Variants in ZFAND4 observed in about 807,000 individuals in gnomAD.
The protein encoded by ZFAND4 is zinc finger AN1-type containing 4.
Under a neutral mutation model 64.4 loss-of-function variants are expected in ZFAND4, and 43 were observed. The ratio of observed to expected loss-of-function variants is 0.67; its 90% CI spans 0.52 to 0.86. The LOEUF (loss-of-function observed/expected upper bound fraction) is 0.86, where lower values mean the gene tolerates loss of function less well. ZFAND4 is among the 40% of genes least tolerant of loss of function. ZFAND4 has a pLI of 0.00. For synonymous variants in ZFAND4, 296 were observed against 305.7 expected, an observed-to-expected ratio of 0.97 and a Z score of 0.33; for missense variants, 929 against 859.8, an observed-to-expected ratio of 1.08 and a Z score of -1.01.
At chr10:45,658,766 G>A (rs1298111909) in intron 2 of ZFAND4, among the ~76,000 whole-genome samples, 1 of 152,176 alleles carries the variant, frequency 6.6e-6, no homozygotes, top group African/African-American at 2.4e-5. Context: ...CCAAAAACTT[G>A]TAGGATATAG....
intron 1 of ZFAND4, among the ~76,000 whole-genome samples, chr10:45,664,104 C>T (rs2048649984): frequency 6.6e-6 from 1 of 152,086 alleles, no homozygotes; most frequent in African/African-American, 2.4e-5. Flanking sequence ...ATATATAGTA[C>T]ATGCTCAACA....
At chr10:45,648,633 C>A in intron 4 of ZFAND4, 99 bp from the exon 5 acceptor site, 1 of 1,294,384 alleles carries the variant, frequency 7.7e-7, no homozygotes, top group Non-Finnish European at 1.0e-6. Context: ...AACAACAGTC[C>A]TGTGCATATA....
At chr10:45,654,822 T>C (rs2047997462) in intron 2 of ZFAND4, among the ~76,000 whole-genome samples, 1 of 152,078 alleles carries the variant, frequency 6.6e-6, no homozygotes, top group Non-Finnish European at 1.5e-5. Context: ...ATCCTAAATA[T>C]ATATGCACCT....
intron 9 of ZFAND4, chr10:45,617,868 C>G (rs964837140): frequency 5.8e-6 from 1 of 173,284 alleles, no homozygotes; most frequent in African/African-American, 2.4e-5. Context: ...AAAATCCAAG[C>G]AGGTTCATCA....
At chr10:45,648,991 G>C (rs1201320112) in intron 4 of ZFAND4, 2 of 984,838 alleles carry the variant, frequency 2.0e-6, no homozygotes, top group East Asian at 2.3e-4. Flanking sequence ...AGACACGGCC[G>C]GGTGCGGTGG....
chr10:45,631,019 T>C (rs2046176556), intron 6 of ZFAND4, among the ~76,000 whole-genome samples: 1 of 148,830 alleles, frequency 6.7e-6, no homozygotes, highest in African/African-American at 2.5e-5. Flanking sequence ...CTAACTTATG[T>C]ATAAAATAAG....
At chr10:45,661,676 CA>C (rs2048479832) in intron 2 of ZFAND4, among the ~76,000 whole-genome samples, 1 of 152,162 alleles carries the variant, frequency 6.6e-6, no homozygotes. Context: ...TTAGGTGGCT[CA>C]CGCCTGTAAT....
At chr10:45,651,742 C>T in intron 4 of ZFAND4, 1 of 603,886 alleles carries the variant, frequency 1.7e-6, no homozygotes, top group Non-Finnish European at 3.1e-6. Context: ...TATTTTTAAA[C>T]CTCTCTGAAT....
intron 1 of ZFAND4, among the ~76,000 whole-genome samples, chr10:45,671,821 T>TAAA (rs199848014): frequency 7.1e-6 from 1 of 141,294 alleles, no homozygotes; most frequent in Non-Finnish European, 1.6e-5. Flanking sequence ...CCCTAGAACT[T>TAAA]AAAAAAAAAA....
chr10:45,660,336 TAAAA>T (rs2048389652), intron 2 of ZFAND4, among the ~76,000 whole-genome samples: 1 of 150,994 alleles, frequency 6.6e-6, no homozygotes, highest in Non-Finnish European at 1.5e-5. Flanking sequence ...AATAAATAAA[TAAAA>T]GAAACAAAGA....
At chr10:45,641,249 A>C (rs1432964762) in intron 5 of ZFAND4, among the ~76,000 whole-genome samples, 4 of 152,248 alleles carry the variant, frequency 2.6e-5, no homozygotes, top group Admixed American at 1.3e-4. Flanking sequence ...GATAAAACAC[A>C]AGCTTGGCAC....
rs546488776 is a variant in ZFAND4 at position 45,617,763 on chromosome 10, T to C, written c.2048+377A>G. On this transcript the variant is annotated intron_variant, in intron 9 of 9. Coordinates refer to ENST00000344646, the MANE Select transcript of ZFAND4 (RefSeq NM_174890.4). Reference sequence around the variant, plus strand: ...GAAAAAGGTCATACTTTTTTGGAAATATATTATTCATCTATTTTATATTAA... The same window carrying C: ...GAAAAAGGTCATACTTTTTTGGAAACATATTATTCATCTATTTTATATTAA... The C allele has an allele frequency of 1.0e-3, 153 of 152,316 alleles. 3 individuals are homozygous for C. The highest frequency in any genetic ancestry group is 1.1e-3 in the Non-Finnish European group (73 of 68,200). 9.4% of individuals were successfully genotyped at this position (152,316 alleles called of 1,614,324 possible).
At chr10:45,639,145 G>A (rs1430171738) in intron 6 of ZFAND4, among the ~76,000 whole-genome samples, 1 of 151,942 alleles carries the variant, frequency 6.6e-6, no homozygotes, top group Admixed American at 6.6e-5. Flanking sequence ...GTGGTAATAT[G>A]AAACAAAGGA....
chr10:45,623,743 A>G (rs117832803), intron 8 of ZFAND4, among the ~76,000 whole-genome samples: 4 of 152,348 alleles, frequency 2.6e-5, no homozygotes, highest in Non-Finnish European at 4.4e-5. Flanking sequence ...ACTGAACTTT[A>G]TACTTAAAAA....
intron 6 of ZFAND4, among the ~76,000 whole-genome samples, chr10:45,636,746 G>A (rs1330785045): frequency 6.6e-6 from 1 of 152,110 alleles, no homozygotes; most frequent in Non-Finnish European, 1.5e-5. Context: ...GTTTTGGGTA[G>A]AGCATACTGT....
chr10:45,655,384 T>G (rs2048031630), intron 2 of ZFAND4, among the ~76,000 whole-genome samples: 2 of 152,316 alleles, frequency 1.3e-5, no homozygotes, highest in South Asian at 2.1e-4. Flanking sequence ...TAGTGCTGAA[T>G]GCCTACATCA....
At chr10:45,669,362 C>T (rs1044889942) in intron 1 of ZFAND4, among the ~76,000 whole-genome samples, 5 of 152,162 alleles carry the variant, frequency 3.3e-5, no homozygotes, top group African/African-American at 1.2e-4. Context: ...AAACCAATAA[C>T]AGGCTCTGAA....
chr10:45,652,408 G>A (rs1480006740), intron 3 of ZFAND4, among the ~76,000 whole-genome samples: 1 of 152,088 alleles, frequency 6.6e-6, no homozygotes, highest in Non-Finnish European at 1.5e-5. Flanking sequence ...AAATAACAAG[G>A]TCTCCTGACT....
chr10:45,622,690 C>T (rs1018373589), intron 8 of ZFAND4, among the ~76,000 whole-genome samples: 1 of 152,184 alleles, frequency 6.6e-6, no homozygotes, highest in Non-Finnish European at 1.5e-5. Context: ...AAACAACATG[C>T]TAAATGTGAA....
Sources: gnomAD v4.1 joint callset for allele counts (sites outside exome capture counted in the v4.1 genomes callset) on GRCh38, gnomAD v4.1.1 for gene constraint, MANE v1.5 for transcripts, NCBI Gene and HGNC (gene_info 2026-07-23, HGNC 2026-07-21) for gene names.